BTBD9: variants seen among roughly 807,000 people sequenced by gnomAD.
BTBD9 encodes BTB/POZ domain-containing protein 9.
Under a neutral mutation model 64.3 loss-of-function variants are expected in BTBD9, and 49 were observed. The observed-to-expected ratio is 0.76, with a 90% CI of 0.61 to 0.97. The LOEUF (loss-of-function observed/expected upper bound fraction) is 0.97. BTBD9 is among the 50% of genes least tolerant of loss of function. BTBD9 has a pLI of 0.00. For missense variants in BTBD9, 598 were observed against 762.1 expected (o/e 0.78, Z 2.53); for synonymous variants, 260 against 274.7 (o/e 0.95, Z 0.53).
chr6:38,282,745 C>G (rs572201599), intron 8 of BTBD9, among the ~76,000 whole-genome samples: 1 of 152,304 alleles, frequency 6.6e-6, no homozygotes, highest in South Asian at 2.1e-4. Flanking sequence ...GATGCTCATC[C>G]CCAGAGGACT....
chr6:38,625,814 G>A (rs1018458006), intron 1 of BTBD9, among the ~76,000 whole-genome samples: 1 of 152,122 alleles, frequency 6.6e-6, no homozygotes, highest in African/African-American at 2.4e-5. Context: ...GAAAATGGTC[G>A]CTGCCCCTAA....
intron 6 of BTBD9, among the ~76,000 whole-genome samples, chr6:38,353,713 T>C (rs1341597330): frequency 6.6e-6 from 1 of 152,230 alleles, no homozygotes; most frequent in Non-Finnish European, 1.5e-5. Context: ...ATCTTCAAAA[T>C]GTCTGCATTA....
chr6:38,613,460 A>G (rs538701893), intron 1 of BTBD9, among the ~76,000 whole-genome samples: 1 of 152,244 alleles, frequency 6.6e-6, no homozygotes, highest in African/African-American at 2.4e-5. Flanking sequence ...CGTCTCTACT[A>G]AAAATACAAA....
intron 7 of BTBD9, 133 bp downstream of exon 7, chr6:38,344,851 T>C (rs191868712): frequency 4.0e-4 from 201 of 497,072 alleles, no homozygotes; most frequent in African/African-American, 3.2e-3. Context: ...AGCCATTCCC[T>C]ATGTCACCTA....
intron 6 of BTBD9, among the ~76,000 whole-genome samples, chr6:38,395,706 GT>G (rs112512335): frequency 0.26 from 37,595 of 144,754 alleles, 4,662 homozygotes; most frequent in East Asian, 0.48. Context: ...AATGTTTACT[GT>G]TTTTTTTTTT....
At chr6:38,288,141 T>G in intron 8 of BTBD9, 131 bp downstream of exon 8, 1 of 1,010,470 alleles carries the variant, frequency 9.9e-7, no homozygotes. Flanking sequence ...CTCCCACTCC[T>G]TTCTTGATAC....
In BTBD9 at chr6:38,536,939, T is replaced by C. The variant is rs532201116; in HGVS notation, c.1154+40661A>G. Among the ~76,000 whole-genome samples the C allele has an allele frequency of 2.0e-5, 3 of 152,188 alleles. No homozygotes were observed. In the East Asian group the frequency reaches 5.8e-4, roughly 29 times the overall value. ...AGGGTGACTACAGTCAACAATAATG[T>C]ATTACACATTTTAAAATGGCTAAAA... On this transcript the variant is annotated intron_variant, in intron 6 of 10. Transcript: ENST00000481247.
intron 8 of BTBD9, among the ~76,000 whole-genome samples, chr6:38,262,470 CT>C (rs546176317): frequency 0.04 from 5,665 of 140,588 alleles, 298 homozygotes; most frequent in African/African-American, 0.12. Context: ...AAGTGCTGGG[CT>C]TTTTTTTTTT....
intron 8 of BTBD9, among the ~76,000 whole-genome samples, chr6:38,271,961 A>G (rs1168222513): frequency 6.7e-6 from 1 of 149,692 alleles, no homozygotes; most frequent in Non-Finnish European, 1.5e-5. Flanking sequence ...TAAAAGAACT[A>G]CAAAGAAAAT....
At chr6:38,482,468 T>C (rs929746225) in intron 6 of BTBD9, 1 of 151,998 alleles carries the variant, frequency 6.6e-6, no homozygotes, top group Non-Finnish European at 1.5e-5. Context: ...AGTAACAATG[T>C]ATTCCACTTA....
intron 6 of BTBD9, among the ~76,000 whole-genome samples, chr6:38,575,260 G>GA (rs1334793350): frequency 1.3e-5 from 2 of 152,278 alleles, no homozygotes; most frequent in Middle Eastern, 3.4e-3. Flanking sequence ...TTGACACCAT[G>GA]AAACCTGTGC....
At chr6:38,593,056 C>T (rs1307831380) in intron 3 of BTBD9, among the ~76,000 whole-genome samples, 3 of 152,146 alleles carry the variant, frequency 2.0e-5, no homozygotes, top group African/African-American at 7.2e-5. Context: ...TATCTTGTAC[C>T]ACTACATCAA....
At chr6:38,593,397 AG>A (rs2127492435) in intron 3 of BTBD9, among the ~76,000 whole-genome samples, 1 of 152,382 alleles carries the variant, frequency 6.6e-6, no homozygotes, top group South Asian at 2.1e-4. Context: ...GCTTTTCAAT[AG>A]ATTTTTCTCA....
At chr6:38,478,969 T>C (rs1771011848) in intron 6 of BTBD9, among the ~76,000 whole-genome samples, 1 of 152,214 alleles carries the variant, frequency 6.6e-6, no homozygotes, top group African/African-American at 2.4e-5. Context: ...ACAGTCTACC[T>C]GAAGAAGTGC....
At chr6:38,387,819 T>A (rs991771479) in intron 6 of BTBD9, among the ~76,000 whole-genome samples, 65 of 151,990 alleles carry the variant, frequency 4.3e-4, no homozygotes, top group African/African-American at 1.5e-3. Context: ...CCATGCAGAA[T>A]CATAAAGGAG....
chr6:38,288,369 T>TA lies in BTBD9; in HGVS notation c.1356dup (p.Lys453Ter). ...TAGCCAGAATCCCAGTCATAATTCTTAGTGTCCCCATTCAGCAAGGCATTT... is the reference window on the plus strand; with the variant it reads ...TAGCCAGAATCCCAGTCATAATTCTTAAGTGTCCCCATTCAGCAAGGCATTT... On this transcript the variant is annotated frameshift_variant, in exon 8 of 11. Transcript: ENST00000481247. LOFTEE classifies it high-confidence loss of function. The TA allele has an allele frequency of 1.9e-6, 3 of 1,614,202 alleles. No homozygotes were observed. The highest frequency in any genetic ancestry group is 2.5e-6 in the Non-Finnish European group (3 of 1,180,032).
chr6:38,503,242 G>A lies in BTBD9; in HGVS notation c.1154+74358C>T, dbSNP rs149889938. ...CGCCCTACTCTCAGCAGCTGTTCCC[G>A]CTGCCTTCTGCAGAAATGAAAGAGG... On this transcript the variant is annotated intron_variant, in intron 6 of 10. Coordinates refer to ENST00000481247, the MANE Select transcript of BTBD9 (RefSeq NM_001099272.2). Among the ~76,000 whole-genome samples, 6 of 151,900 alleles carry A rather than the reference G, an allele frequency of 3.9e-5. No homozygotes were observed. The East Asian group carries it at 9.7e-4, about 25-fold the overall frequency.
At chr6:38,557,978 A>G (rs780300476) in intron 6 of BTBD9, among the ~76,000 whole-genome samples, 2 of 152,198 alleles carry the variant, frequency 1.3e-5, no homozygotes, top group Non-Finnish European at 2.9e-5. Flanking sequence ...GAGTTGTTTA[A>G]CGAACTCTTG....
intron 1 of BTBD9, among the ~76,000 whole-genome samples, chr6:38,634,038 G>C (rs754698214): frequency 1.1e-4 from 17 of 152,126 alleles, no homozygotes; most frequent in Non-Finnish European, 2.2e-4. Flanking sequence ...TCTATGCCCA[G>C]CACTTCACAC....
Sources: allele counts gnomAD v4.1 joint callset (sites outside exome capture counted in the v4.1 genomes callset), GRCh38; gene constraint gnomAD v4.1.1; transcripts MANE v1.5; gene names NCBI Gene and HGNC (gene_info 2026-07-23, HGNC 2026-07-21).